AKAP6: variants seen among roughly 807,000 people sequenced by gnomAD.
The protein encoded by AKAP6 is A-kinase anchor protein 6.
In AKAP6, 58 loss-of-function variants were observed where a neutral mutation model predicts 188.5. The observed-to-expected ratio is 0.31, with a 90% CI of 0.25 to 0.38. The LOEUF (loss-of-function observed/expected upper bound fraction) is 0.38. Among genes scored for constraint, AKAP6 ranks in the 10% least tolerant of loss-of-function variants. The pLI, the probability that AKAP6 is intolerant of heterozygous loss-of-function variation, is 1.00. For missense variants in AKAP6, 2,710 were observed against 2,740.0 expected (o/e 0.99, Z 0.24); for synonymous variants, 989 against 998.6 (o/e 0.99, Z 0.18).
intron 7 of AKAP6, among the ~76,000 whole-genome samples, chr14:32,628,836 G>C (rs1156938213): frequency 6.6e-6 from 1 of 151,928 alleles, no homozygotes; most frequent in Non-Finnish European, 1.5e-5. Flanking sequence ...TTCTATTAAG[G>C]TAGCAGTATC....
intron 7 of AKAP6, among the ~76,000 whole-genome samples, chr14:32,615,756 C>T (rs1168093148): frequency 6.6e-6 from 1 of 151,954 alleles, no homozygotes; most frequent in Non-Finnish European, 1.5e-5. Flanking sequence ...CCACCACACC[C>T]AGCTAATTTT....
chr14:32,528,653 G>A (rs1882253150), intron 2 of AKAP6, among the ~76,000 whole-genome samples: 2 of 152,094 alleles, frequency 1.3e-5, no homozygotes, highest in African/African-American at 4.8e-5. Flanking sequence ...TGGATATTCT[G>A]GGTCTTTTGC....
chr14:32,339,148 T>C (rs1886813502), intron 1 of AKAP6, among the ~76,000 whole-genome samples: 2 of 152,164 alleles, frequency 1.3e-5, no homozygotes, highest in Admixed American at 1.3e-4. Flanking sequence ...TTTTTGTCTA[T>C]TTTGTTCATT....
chr14:32,774,121 T>G (rs2032983059), intron 12 of AKAP6: 2 of 545,238 alleles, frequency 3.7e-6, no homozygotes, highest in Non-Finnish European at 3.3e-6. Context: ...TTTATTTGCT[T>G]TATTAAAATT....
chr14:32,331,414 T>C (rs73254609), intron 1 of AKAP6, among the ~76,000 whole-genome samples: 1,921 of 152,122 alleles, frequency 0.013, 46 homozygotes, highest in African/African-American at 0.044. Context: ...CTGACGCAGT[T>C]ATCTAGTGGA....
At chr14:32,609,489 A>G (rs1334994326) in intron 7 of AKAP6, among the ~76,000 whole-genome samples, 1 of 152,136 alleles carries the variant, frequency 6.6e-6, no homozygotes, top group Admixed American at 6.5e-5. Flanking sequence ...CTCAGGGACC[A>G]TCTCACTGCA....
chr14:32,750,247 A>G (rs1469287162), intron 11 of AKAP6, among the ~76,000 whole-genome samples: 1 of 152,138 alleles, frequency 6.6e-6, no homozygotes, highest in African/African-American at 2.4e-5. Context: ...AGATTGAATC[A>G]GATGCCACTT....
chr14:32,713,670 A>G (rs995965892), intron 9 of AKAP6, among the ~76,000 whole-genome samples: 5 of 151,920 alleles, frequency 3.3e-5, no homozygotes, highest in Admixed American at 1.3e-4. Context: ...AGTGTCCAAC[A>G]TTTCTTCTGC....
chr14:32,367,813 A>G (rs1344643223), intron 1 of AKAP6, among the ~76,000 whole-genome samples: 1 of 152,094 alleles, frequency 6.6e-6, no homozygotes, highest in Non-Finnish European at 1.5e-5. Flanking sequence ...CAAGCTGCTT[A>G]GCTACTTCAC....
chr14:32,743,347 A>G (rs1342898116), intron 11 of AKAP6, among the ~76,000 whole-genome samples: 3 of 152,134 alleles, frequency 2.0e-5, no homozygotes, highest in African/African-American at 7.2e-5. Flanking sequence ...TTATTGGAGA[A>G]TTTAGTCCGT....
intron 13 of AKAP6, among the ~76,000 whole-genome samples, chr14:32,826,702 T>C (rs2034682696): frequency 6.6e-6 from 1 of 152,152 alleles, no homozygotes; most frequent in South Asian, 2.1e-4. Flanking sequence ...AGACGTAGAA[T>C]TGAAATGAAA....
chr14:32,736,909 A>G (rs1460970190), intron 11 of AKAP6, among the ~76,000 whole-genome samples: 2 of 152,052 alleles, frequency 1.3e-5, no homozygotes, highest in Non-Finnish European at 2.9e-5. Flanking sequence ...TTCCCAATAA[A>G]CTATCTGCAT....
At position 32,433,290 on chromosome 14, in the gene AKAP6, G is replaced by A. The variant is rs919519195; in HGVS notation, c.-34-170G>A. The A allele has an allele frequency of 5.4e-6, 3 of 555,770 alleles. No homozygotes were observed. The East Asian group carries it at 9.3e-5, about 17-fold the overall frequency. 34.4% of individuals were successfully genotyped at this position (555,770 alleles called of 1,614,324 possible). On this transcript the variant is annotated intron_variant, in intron 1 of 13. Coordinates refer to ENST00000280979, the MANE Select transcript of AKAP6 (RefSeq NM_004274.5). ...GTTCATATTATTTCCTGGCTCTTGG[G>A]GCTACCATGTAGAAAATCAAAACAC...
chr14:32,628,430 G>A (rs1437235057), intron 7 of AKAP6, among the ~76,000 whole-genome samples: 2 of 150,930 alleles, frequency 1.3e-5, no homozygotes, highest in African/African-American at 4.9e-5. Context: ...AGAATTTCAA[G>A]GGCCTCCACA....
intron 9 of AKAP6, among the ~76,000 whole-genome samples, chr14:32,699,701 G>A (rs934573459): frequency 2.0e-5 from 3 of 152,060 alleles, no homozygotes; most frequent in Non-Finnish European, 4.4e-5. Context: ...ATGAACATTG[G>A]CAATATCGTC....
chr14:32,668,864 G>A (rs1387687952), intron 7 of AKAP6, among the ~76,000 whole-genome samples: 2 of 151,942 alleles, frequency 1.3e-5, no homozygotes. Flanking sequence ...TCTTTGCTGA[G>A]TAATAATATT....
intron 8 of AKAP6, among the ~76,000 whole-genome samples, chr14:32,685,425 C>T (rs939431227): frequency 2.6e-5 from 4 of 151,770 alleles, no homozygotes; most frequent in African/African-American, 9.7e-5. Flanking sequence ...AGATTTTAGC[C>T]ATTAGAAGAG....
chr14:32,510,478 A>ATG (rs1566547010), intron 2 of AKAP6, among the ~76,000 whole-genome samples: 1 of 95,448 alleles, frequency 1.0e-5, no homozygotes, highest in African/African-American at 4.2e-5. Flanking sequence ...ATATATATAC[A>ATG]TATATATATG....
rs546313583 is a variant in AKAP6 at position 32,791,518 on chromosome 14, G to A, written c.3588+17625G>A. On this transcript the variant is annotated intron_variant, in intron 12 of 13. Transcript: ENST00000280979. Reference sequence around the variant, plus strand: ...AGTTCCTTGTAGATTCTGGGTATTAGCCCTATTAGTCAGATGGATAGATTG... The same window carrying A: ...AGTTCCTTGTAGATTCTGGGTATTAACCCTATTAGTCAGATGGATAGATTG... Among the ~76,000 whole-genome samples, 27 of 148,398 alleles carry A rather than the reference G, an allele frequency of 1.8e-4. No individual in the cohort carries two copies. In the East Asian group the frequency reaches 4.5e-3, roughly 25 times the overall value.
Sources: allele counts gnomAD v4.1 joint callset (sites outside exome capture counted in the v4.1 genomes callset), GRCh38; gene constraint gnomAD v4.1.1; transcripts MANE v1.5; gene names NCBI Gene and HGNC (gene_info 2026-07-23, HGNC 2026-07-21).